Variants in POLR3B observed in about 807,000 individuals in gnomAD.
POLR3B encodes the protein RNA polymerase III subunit B, also known as DNA-directed RNA polymerase III subunit RPC2.
POLR3B carries 96 observed loss-of-function variants against 147.4 expected under a neutral mutation model. That is an observed-to-expected ratio of 0.65 (90% CI 0.55 to 0.77). The LOEUF is 0.77. Ranked by LOEUF, POLR3B falls within the 30% of genes least tolerant of loss-of-function variation. POLR3B has a pLI of 0.00. For missense variants in POLR3B, 1,036 were observed against 1,413.5 expected, an observed-to-expected ratio of 0.73 and a Z score of 4.28; for synonymous variants, 461 against 485.9, an observed-to-expected ratio of 0.95 and a Z score of 0.67.
At chr12:106,360,552 ATAT>A (rs2036456131) in intron 1 of POLR3B, among the ~76,000 whole-genome samples, 1 of 152,240 alleles carries the variant, frequency 6.6e-6, no homozygotes, top group Non-Finnish European at 1.5e-5. Context: ...AGATATTAAA[ATAT>A]TTACTTAAAC....
chr12:106,491,853 G>C (rs1485547780), intron 23 of POLR3B, among the ~76,000 whole-genome samples: 1 of 152,086 alleles, frequency 6.6e-6, no homozygotes, highest in African/African-American at 2.4e-5. Context: ...ACTCAGAAAA[G>C]GAAGAGTAAT....
At chr12:106,434,556 T>A (rs1341172001) in intron 16 of POLR3B, among the ~76,000 whole-genome samples, 1 of 151,478 alleles carries the variant, frequency 6.6e-6, no homozygotes, top group Non-Finnish European at 1.5e-5. Flanking sequence ...TGTGCACAGG[T>A]ACTATCTAGG....
At chr12:106,367,367 C>T (rs1305041786) in intron 4 of POLR3B, among the ~76,000 whole-genome samples, 1 of 152,120 alleles carries the variant, frequency 6.6e-6, no homozygotes, top group Non-Finnish European at 1.5e-5. Flanking sequence ...TGATCAAAAC[C>T]AGGAAGTTAG....
intron 19 of POLR3B, among the ~76,000 whole-genome samples, chr12:106,449,431 TTGA>T (rs2037769446): frequency 6.6e-6 from 1 of 152,140 alleles, no homozygotes; most frequent in Non-Finnish European, 1.5e-5. Flanking sequence ...CCTCTCACAG[TTGA>T]AAATCTGTGT....
At position 106,496,879 on chromosome 12, in the gene POLR3B, A is replaced by G. The variant is rs913995558; in HGVS notation, c.2945A>G (p.Asn982Ser). 14 of 1,613,994 alleles carry G rather than the reference A, an allele frequency of 8.7e-6. No individual in the cohort carries two copies. Among genetic ancestry groups the G allele is most frequent in the Non-Finnish European group, 1.2e-5 (14 of 1,180,016 alleles). ...VCEDLVRHGYNYLGKDYVTSG... is the reference protein window; with the variant it reads ...VCEDLVRHGYSYLGKDYVTSG... ...GAGGACCTCGTTCGCCATGGTTATA[A>G]CTACTTGGGGAAAGACTATGTTACA... The change falls in exon 25 of 28, where the codon AAC (asparagine) becomes AGC (serine). Residue 982 changes from asparagine to serine, a missense_variant. Asn to Ser is a conservative substitution (Grantham distance 46, BLOSUM62 1). Transcript: ENST00000228347.
At chr12:106,443,723 G>C (rs1255287786) in intron 18 of POLR3B, among the ~76,000 whole-genome samples, 1 of 152,064 alleles carries the variant, frequency 6.6e-6, no homozygotes, top group Admixed American at 6.6e-5. Context: ...GTTTCACTGT[G>C]TTGGCTAGGC....
chr12:106,393,362 C>T (rs927469790), intron 10 of POLR3B, among the ~76,000 whole-genome samples: 4 of 151,570 alleles, frequency 2.6e-5, no homozygotes, highest in East Asian at 1.9e-4. Context: ...CTATGGTGCC[C>T]GACTTAGAAT....
At chr12:106,444,848 T>C (rs1362309607) in intron 19 of POLR3B, among the ~76,000 whole-genome samples, 1 of 152,080 alleles carries the variant, frequency 6.6e-6, no homozygotes, top group Non-Finnish European at 1.5e-5. Context: ...GTGTAATAAG[T>C]GTCACAGAAT....
chr12:106,408,206 A>G (rs10861597), intron 11 of POLR3B, among the ~76,000 whole-genome samples: 59,882 of 152,100 alleles, frequency 0.39, 14,013 homozygotes, highest in African/African-American at 0.65. Flanking sequence ...ATATGCTGAT[A>G]TTCGTGATGG....
chr12:106,423,221 A>T (rs745488057), intron 12 of POLR3B, among the ~76,000 whole-genome samples: 2 of 152,058 alleles, frequency 1.3e-5, no homozygotes, highest in Admixed American at 1.3e-4. Context: ...TTATTCCCCA[A>T]ATTATGTTGT....
chr12:106,370,184 GTGGTCAATAA>G lies in POLR3B; in HGVS notation c.404+506_404+515del, dbSNP rs140706241. ...AAATGGACAAAACCCACAATATTGTGTGGTCAATAATGGTACTAGACTTTAAACTCAGTCC... is the reference window on the plus strand; with the variant it reads ...AAATGGACAAAACCCACAATATTGTGTGGTACTAGACTTTAAACTCAGTCC... On this transcript the variant is annotated intron_variant, in intron 6 of 27. Transcript: ENST00000228347. Among the ~76,000 whole-genome samples, 122 of 152,292 alleles carry G rather than the reference GTGGTCAATAA, an allele frequency of 8.0e-4. No individual in the cohort carries two copies. The East Asian group carries it at 0.023, about 28-fold the overall frequency.
intron 1 of POLR3B, among the ~76,000 whole-genome samples, chr12:106,363,307 C>T (rs2136878642): frequency 6.6e-6 from 1 of 152,266 alleles, no homozygotes; most frequent in South Asian, 2.1e-4. Context: ...CTTAACACAC[C>T]CAAACCAAAT....
intron 12 of POLR3B, among the ~76,000 whole-genome samples, chr12:106,411,385 A>G (rs1206981070): frequency 6.6e-6 from 1 of 152,104 alleles, no homozygotes; most frequent in Non-Finnish European, 1.5e-5. Context: ...TGATCTGCCC[A>G]TCTCAGCCTC....
intron 10 of POLR3B, among the ~76,000 whole-genome samples, chr12:106,396,786 C>CTT (rs11370235): frequency 8.8e-5 from 13 of 147,978 alleles, no homozygotes; most frequent in African/African-American, 2.7e-4. Context: ...AGCTGAAAGT[C>CTT]TTTTTTTTTT....
At chr12:106,364,898 G>A (rs991629978) in intron 2 of POLR3B, among the ~76,000 whole-genome samples, 2 of 152,216 alleles carry the variant, frequency 1.3e-5, no homozygotes, top group African/African-American at 4.8e-5. Context: ...CACCTGGGGA[G>A]GCTGAGGTGG....
chr12:106,498,809 C>G (rs1323821013), intron 25 of POLR3B, among the ~76,000 whole-genome samples: 3 of 152,186 alleles, frequency 2.0e-5, no homozygotes, highest in Non-Finnish European at 2.9e-5. Context: ...TGGTCTCGAA[C>G]TCCTGACCTC....
rs534191952 is a variant in POLR3B at position 106,365,428 on chromosome 12, C to T, written c.106-1088C>T. Among the ~76,000 whole-genome samples the T allele has an allele frequency of 3.3e-5, 5 of 152,282 alleles. No individual in the cohort carries two copies. The East Asian group carries it at 5.8e-4, about 18-fold the overall frequency. Reference sequence around the variant, plus strand: ...AGAGACCAGGTCTTGCTACATTGCCCAGGCTGGATTTGAACTCCTGAGTTT... The same window carrying T: ...AGAGACCAGGTCTTGCTACATTGCCTAGGCTGGATTTGAACTCCTGAGTTT... On this transcript the variant is annotated intron_variant, in intron 2 of 27. Transcript: ENST00000228347.
intron 20 of POLR3B, among the ~76,000 whole-genome samples, chr12:106,455,312 G>A (rs544714890): frequency 1.1e-4 from 16 of 152,128 alleles, no homozygotes; most frequent in African/African-American, 3.6e-4. Context: ...TCATAATCTC[G>A]ATTTCTCTTT....
chr12:106,358,424 G>A (rs1177884745), intron 1 of POLR3B, among the ~76,000 whole-genome samples: 2 of 152,164 alleles, frequency 1.3e-5, no homozygotes, highest in African/African-American at 4.8e-5. Context: ...GGTTGCAGGG[G>A]AATTTTAAAC....
Sources: allele counts gnomAD v4.1 joint callset (sites outside exome capture counted in the v4.1 genomes callset), GRCh38; gene constraint gnomAD v4.1.1; transcripts MANE v1.5; gene names NCBI Gene and HGNC (gene_info 2026-07-23, HGNC 2026-07-21).